Variants in PALLD observed in about 807,000 individuals in gnomAD.
The protein encoded by PALLD is palladin, cytoskeletal associated protein, also known as palladin.
PALLD carries 61 observed loss-of-function variants against 123.5 expected under a neutral mutation model. That is an observed-to-expected ratio of 0.49 (90% CI 0.40 to 0.61). The LOEUF (loss-of-function observed/expected upper bound fraction) is 0.61, where lower values mean the gene tolerates loss of function less well. Among genes scored for constraint, PALLD ranks in the 20% least tolerant of loss-of-function variants. PALLD has a pLI of 0.00. For synonymous variants in PALLD, 465 were observed against 496.4 expected (o/e 0.94, Z 0.84); for missense variants, 1,273 against 1,377.0 (o/e 0.92, Z 1.20).
At chr4:168,757,481 G>T (rs1364605993) in intron 10 of PALLD, among the ~76,000 whole-genome samples, 2 of 152,196 alleles carry the variant, frequency 1.3e-5, no homozygotes, top group African/African-American at 4.8e-5. Context: ...GAAACGTTAA[G>T]AAATAATTTA....
intron 10 of PALLD, among the ~76,000 whole-genome samples, chr4:168,779,471 T>C (rs1406296674): frequency 1.3e-5 from 2 of 151,414 alleles, no homozygotes; most frequent in Middle Eastern, 3.2e-3. Flanking sequence ...ACATATAAAC[T>C]TCATGTGAAC....
At chr4:168,538,307 A>C (rs924947032) in intron 2 of PALLD, among the ~76,000 whole-genome samples, 2 of 152,200 alleles carry the variant, frequency 1.3e-5, no homozygotes, top group Non-Finnish European at 2.9e-5. Context: ...AATCTAATAA[A>C]ATGTTTTAAA....
chr4:168,745,096 T>G (rs1730089276), intron 10 of PALLD, among the ~76,000 whole-genome samples: 2 of 152,210 alleles, frequency 1.3e-5, no homozygotes, highest in African/African-American at 4.8e-5. Context: ...TTAGACTCTT[T>G]AAGCTTTAGC....
chr4:168,731,778 G>A (rs2047634), intron 10 of PALLD, among the ~76,000 whole-genome samples: 93,385 of 152,056 alleles, frequency 0.61, 29,190 homozygotes, highest in African/African-American at 0.73. Context: ...TTTCAATTCA[G>A]ACCACCCTAA....
At chr4:168,856,129 G>A (rs1485151391) in intron 10 of PALLD, among the ~76,000 whole-genome samples, 1 of 152,194 alleles carries the variant, frequency 6.6e-6, no homozygotes, top group East Asian at 1.9e-4. Context: ...ATTTGTTTAG[G>A]ATAATGGCCT....
chr4:168,861,991 G>T (rs72975219), intron 10 of PALLD, among the ~76,000 whole-genome samples: 3,130 of 152,106 alleles, frequency 0.021, 99 homozygotes, highest in African/African-American at 0.071. Flanking sequence ...TTTGTATAAG[G>T]TATCAGTTGT....
intron 10 of PALLD, among the ~76,000 whole-genome samples, chr4:168,747,983 C>T (rs917757889): frequency 6.6e-6 from 1 of 152,096 alleles, no homozygotes; most frequent in African/African-American, 2.4e-5. Flanking sequence ...TCACATTCCC[C>T]GTTGTGATCA....
chr4:168,520,646 A>T (rs6552874), intron 2 of PALLD, among the ~76,000 whole-genome samples: 112,614 of 152,082 alleles, frequency 0.74, 41,931 homozygotes, highest in East Asian at 0.86. Context: ...AATAATTCAG[A>T]ATCCAGCAAG....
At chr4:168,820,123 G>C (rs1581634861) in intron 10 of PALLD, among the ~76,000 whole-genome samples, 2 of 152,358 alleles carry the variant, frequency 1.3e-5, no homozygotes, top group South Asian at 4.1e-4. Flanking sequence ...TCTTAGGCAA[G>C]GTGATTCTGC....
chr4:168,550,938 A>T (rs1270654562), intron 2 of PALLD, among the ~76,000 whole-genome samples: 2 of 152,230 alleles, frequency 1.3e-5, no homozygotes, highest in Admixed American at 1.3e-4. Flanking sequence ...ATTTGAATTA[A>T]TGGAGAATTT....
chr4:168,775,468 T>C (rs1300818594), intron 10 of PALLD, among the ~76,000 whole-genome samples: 1 of 152,174 alleles, frequency 6.6e-6, no homozygotes, highest in Admixed American at 6.5e-5. Context: ...ACATGTGCTT[T>C]GCAAATATTT....
At chr4:168,894,401 G>C (rs2151215615) in intron 11 of PALLD, 178 bp from the exon 12 acceptor site, 1 of 631,698 alleles carries the variant, frequency 1.6e-6, no homozygotes, top group East Asian at 2.8e-5. Context: ...TACTAGAAAG[G>C]GAGGTAAAAA....
intron 10 of PALLD, among the ~76,000 whole-genome samples, chr4:168,836,920 A>T (rs1035094554): frequency 3.3e-5 from 5 of 152,232 alleles, no homozygotes; most frequent in African/African-American, 1.2e-4. Flanking sequence ...AAACCACTAT[A>T]TATAACATGG....
At chr4:168,886,492 T>G (rs1028440311) in intron 10 of PALLD, among the ~76,000 whole-genome samples, 2 of 151,744 alleles carry the variant, frequency 1.3e-5, no homozygotes, top group African/African-American at 4.8e-5. Flanking sequence ...AAATGGAAAT[T>G]TAGCCAGGCA....
At chr4:168,891,892 T>A (rs1294813126) in intron 11 of PALLD, among the ~76,000 whole-genome samples, 1 of 152,158 alleles carries the variant, frequency 6.6e-6, no homozygotes, top group Non-Finnish European at 1.5e-5. Context: ...TTCTGTTCTT[T>A]TCTCCCAGAC....
At chr4:168,506,456 A>G (rs1762013473) in intron 1 of PALLD, among the ~76,000 whole-genome samples, 1 of 151,926 alleles carries the variant, frequency 6.6e-6, no homozygotes, top group South Asian at 2.1e-4. Context: ...ACAATGAAAG[A>G]ACTGCCCCCT....
intron 15 of PALLD, among the ~76,000 whole-genome samples, chr4:168,912,655 C>A (rs1759225365): frequency 6.6e-6 from 1 of 152,144 alleles, no homozygotes; most frequent in African/African-American, 2.4e-5. Context: ...TATTTCAAAG[C>A]ATGTATACAA....
chr4:168,854,363 A>G (rs1748264999), intron 10 of PALLD, among the ~76,000 whole-genome samples: 1 of 152,220 alleles, frequency 6.6e-6, no homozygotes, highest in African/African-American at 2.4e-5. Context: ...CTGGAATGTT[A>G]CAATTCTAGC....
At chr4:168,540,025 A>G (rs750938621) in intron 2 of PALLD, among the ~76,000 whole-genome samples, 3 of 151,526 alleles carry the variant, frequency 2.0e-5, no homozygotes, top group Non-Finnish European at 4.4e-5. Context: ...TCCATGTCAT[A>G]CTTTTTTATG....
Sources: gnomAD v4.1 joint callset for allele counts (sites outside exome capture counted in the v4.1 genomes callset) on GRCh38, gnomAD v4.1.1 for gene constraint, MANE v1.5 for transcripts, NCBI Gene and HGNC (gene_info 2026-07-23, HGNC 2026-07-21) for gene names.